NLRP8: variants seen among roughly 807,000 people sequenced by gnomAD.
NLRP8 encodes NLR family pyrin domain containing 8.
In NLRP8, 86 loss-of-function variants were observed where a neutral mutation model predicts 88.7. The ratio of observed to expected loss-of-function variants is 0.97; its 90% CI spans 0.81 to 1.16. NLRP8 has a LOEUF of 1.16. Ranked by LOEUF, NLRP8 falls within the 50% of genes most tolerant of loss-of-function variation. NLRP8 has a pLI of 0.00. For synonymous variants in NLRP8, 504 were observed against 494.6 expected (o/e 1.02, Z -0.25); for missense variants, 1,342 against 1,286.5 (o/e 1.04, Z -0.66).
At chr19:55,948,585 A>G (rs1978958045) in intron 1 of NLRP8, among the ~76,000 whole-genome samples, 1 of 151,958 alleles carries the variant, frequency 6.6e-6, no homozygotes, top group Admixed American at 6.6e-5. Context: ...ACAGGCACCC[A>G]CCACCATGCC....
At chr19:55,970,738 TG>T (rs747704733) in intron 6 of NLRP8, 42 bp downstream of exon 6, 43 of 1,610,314 alleles carry the variant, frequency 2.7e-5, no homozygotes, top group Admixed American at 8.4e-5. Flanking sequence ...GTTGTGGTTG[TG>T]GTGGTTGTTT....
In NLRP8 at chr19:55,966,212, G is replaced by C. The variant is rs781497997; in HGVS notation, c.2214-1G>C. 1.2e-6 allele frequency: 2 copies of C among 1,613,900 alleles called. No individual in the cohort carries two copies. Among genetic ancestry groups the C allele is most frequent in the East Asian group, 2.2e-5 (1 of 44,858 alleles). On this transcript the variant is annotated splice_acceptor_variant, in intron 4 of 9. Transcript: ENST00000291971. LOFTEE classifies it high-confidence loss of function. The stretch of plus-strand genomic sequence containing the variant: ...CCAAGGAGACGCTCTTCCCTCTCCA[G>C]CCTAAGGCGTGTGAATAGCACCATG...
Position 55,979,405 on chromosome 19 carries a change from G to C in NLRP8, c.2888G>C (p.Cys963Ser), listed in dbSNP as rs1980477649. 2 of 1,613,638 alleles carry C rather than the reference G, an allele frequency of 1.2e-6. No individual in the cohort carries two copies. Among genetic ancestry groups the C allele is most frequent in the South Asian group, 2.2e-5 (2 of 91,056 alleles). ...TTTCTGTGTCACAGGCTGGAAAACT[G>C]CCTGTTCACCTCCATCTGCTGCCAG... Residue 963 changes from cysteine (C) to serine (S), a missense_variant, in exon 9 of 10, where the codon TGC becomes TCC. Coordinates refer to ENST00000291971, the MANE Select transcript of NLRP8 (RefSeq NM_176811.2).
chr19:55,969,841 C>T (rs1979996560), intron 5 of NLRP8, among the ~76,000 whole-genome samples: 1 of 152,192 alleles, frequency 6.6e-6, no homozygotes, highest in South Asian at 2.1e-4. Flanking sequence ...GCTCAGGTGG[C>T]TGGAACCTGG....
At chr19:55,974,342 G>A (rs988147032) in intron 7 of NLRP8, among the ~76,000 whole-genome samples, 3 of 151,688 alleles carry the variant, frequency 2.0e-5, no homozygotes, top group Non-Finnish European at 4.4e-5. Context: ...TCTTGGTTGT[G>A]CTTATCTGGG....
chr19:55,981,399 G>A (rs895421124), intron 9 of NLRP8, among the ~76,000 whole-genome samples: 1 of 152,112 alleles, frequency 6.6e-6, no homozygotes, highest in Non-Finnish European at 1.5e-5. Flanking sequence ...TCACTGCATT[G>A]GGGGCACCAA....
intron 5 of NLRP8, among the ~76,000 whole-genome samples, chr19:55,967,144 G>A (rs1251501050): frequency 1.3e-5 from 2 of 152,148 alleles, no homozygotes; most frequent in African/African-American, 4.8e-5. Flanking sequence ...TGTTGTGCTA[G>A]CAAATACTAG....
chr19:55,950,846 G>A (rs563167709), intron 1 of NLRP8, among the ~76,000 whole-genome samples: 11 of 152,342 alleles, frequency 7.2e-5, no homozygotes, highest in Admixed American at 5.2e-4. Context: ...TTGGGAGGCC[G>A]AGGCGGGAGG....
chr19:55,959,203 A>G (rs560886962), intron 3 of NLRP8, among the ~76,000 whole-genome samples: 4 of 129,234 alleles, frequency 3.1e-5, no homozygotes, highest in Middle Eastern at 6.8e-3. Flanking sequence ...GTTTTTTTGT[A>G]TGTATGTATG....
intron 6 of NLRP8, among the ~76,000 whole-genome samples, chr19:55,971,330 C>T (rs1980064526): frequency 6.6e-6 from 1 of 150,584 alleles, no homozygotes; most frequent in South Asian, 2.1e-4. Flanking sequence ...ATCCCAGCTA[C>T]TCGGGAGGCT....
At chr19:55,971,625 G>A (rs8110392) in intron 6 of NLRP8, among the ~76,000 whole-genome samples, 2,924 of 150,850 alleles carry the variant, frequency 0.019, 86 homozygotes, top group East Asian at 0.055. Flanking sequence ...TGAGATTTGG[G>A]CTGTTTCTAA....
intron 7 of NLRP8, among the ~76,000 whole-genome samples, chr19:55,975,466 A>G (rs189746832): frequency 9.8e-5 from 15 of 152,316 alleles, no homozygotes; most frequent in Admixed American, 9.8e-4. Context: ...CTCCACATGA[A>G]AACCTGCACA....
intron 9 of NLRP8, among the ~76,000 whole-genome samples, chr19:55,981,866 T>C (rs306472): frequency 0.82 from 124,521 of 151,990 alleles, 51,168 homozygotes; most frequent in East Asian, 0.91. Flanking sequence ...CTTTTTACAA[T>C]GTAATGATCA....
Position 55,986,252 on chromosome 19 carries a change from A to G in NLRP8, c.3048-1562A>G, listed in dbSNP as rs1037567782. Among the ~76,000 whole-genome samples the G allele has an allele frequency of 4.6e-5, 7 of 151,934 alleles. No individual in the cohort carries two copies. In the South Asian group the frequency reaches 1.5e-3, roughly 32 times the overall value. ...AAATGCCAAGTGCAACTTCCAGATT[A>G]TGTAAAATAAGGGCACCCAACACAC... On this transcript the variant is annotated intron_variant, in intron 9 of 9. Transcript: ENST00000291971.
intron 3 of NLRP8, 67 bp from the exon 4 acceptor site, chr19:55,962,000 G>C: frequency 6.5e-7 from 1 of 1,545,104 alleles, no homozygotes; most frequent in Non-Finnish European, 8.8e-7. Context: ...CACCAGCCCT[G>C]GGGTTTCCTA....
At chr19:55,977,512 T>C (rs1221452566) in intron 8 of NLRP8, among the ~76,000 whole-genome samples, 1 of 145,548 alleles carries the variant, frequency 6.9e-6, no homozygotes, top group Non-Finnish European at 1.5e-5. Context: ...AATATATGTA[T>C]TATATATTTA....
rs151189916 is a variant in NLRP8 at position 55,973,909 on chromosome 19, A to G, written c.2705+87A>G. The G allele has an allele frequency of 1.5e-4, 201 of 1,345,274 alleles. No individual in the cohort carries two copies. In the Middle Eastern group the frequency reaches 3.7e-3, roughly 25 times the overall value. The allele number at this position is 1,345,274 out of a possible 1,614,324, so 83.3% of individuals were successfully genotyped here. A position where few individuals can be genotyped will look rare whatever the true frequency, so the allele number is the denominator to read the frequency against. On this transcript the variant is annotated intron_variant, in intron 7 of 9. Coordinates refer to ENST00000291971, the MANE Select transcript of NLRP8 (RefSeq NM_176811.2). ...CCTGTTATATATTCATTTATGTCAC[A>G]TATTTATTAAGTGCCTACTGCGTGT... is the stretch of plus-strand genomic sequence containing the variant.
rs559143723 is a variant in NLRP8, at chr19:55,974,238, C to T, written c.2705+416C>T. Among the ~76,000 whole-genome samples the T allele has an allele frequency of 4.6e-5, 7 of 150,688 alleles. No individual in the cohort carries two copies. In the South Asian group the frequency reaches 1.0e-3, roughly 23 times the overall value. ...AACAGACCTGAGAGGGGCTTCTGGC[C>T]GAGTTAGGTCAGAGCTACACTCTCT... is the stretch of plus-strand genomic sequence containing the variant. On this transcript the variant is annotated intron_variant, in intron 7 of 9. Coordinates refer to ENST00000291971, the MANE Select transcript of NLRP8 (RefSeq NM_176811.2).
In NLRP8 at chr19:55,956,064, T is replaced by C. The variant is rs376718037; in HGVS notation, c.2006T>C (p.Val669Ala). The C allele has an allele frequency of 1.1e-5, 18 of 1,613,756 alleles. No individual in the cohort carries two copies. In the African/African-American group the frequency reaches 2.3e-4, roughly 20 times the overall value. ...ACCGTCACCCTGAACTTCATGAACG[T>C]GTGGAAGCTCAGCTCCAGCTCCCAT... The change falls in exon 3 of 10, where the codon GTG (valine) becomes GCG (alanine). Residue 669 changes from valine to alanine, a missense_variant. Val to Ala is a moderately conservative substitution (Grantham distance 64). Transcript: ENST00000291971.
Sources: gnomAD v4.1 joint callset for allele counts (sites outside exome capture counted in the v4.1 genomes callset) on GRCh38, gnomAD v4.1.1 for gene constraint, MANE v1.5 for transcripts, NCBI Gene and HGNC (gene_info 2026-07-23, HGNC 2026-07-21) for gene names.